Variants in GALNT9 observed in about 807,000 individuals in gnomAD.
GALNT9 encodes the protein GalNAc transferase 9.
GALNT9 carries 47 observed loss-of-function variants against 63.1 expected under a neutral mutation model. The ratio of observed to expected loss-of-function variants is 0.75; its 90% confidence interval spans 0.59 to 0.95. The LOEUF (loss-of-function observed/expected upper bound fraction) is 0.95, where lower values mean the gene tolerates loss of function less well. GALNT9 is among the 40% of genes least tolerant of loss of function. The probability of loss-of-function intolerance (pLI) is 0.00; values close to 1 mark genes in which losing one functional copy is unlikely to be tolerated. For missense variants in GALNT9, 829 were observed against 874.8 expected (o/e 0.95, Z 0.66); for synonymous variants, 396 against 365.7 (o/e 1.08, Z -0.94).
chr12:132,257,145 T>TG (rs1288615475), intron 5 of GALNT9, among the ~76,000 whole-genome samples: 80 of 152,314 alleles, frequency 5.3e-4, no homozygotes, highest in African/African-American at 1.8e-3. Context: ...TGCCTCCCAT[T>TG]GGGTTCTCTG....
chr12:132,288,544 T>TG (rs1555242410), intron 1 of GALNT9, among the ~76,000 whole-genome samples: 3 of 152,252 alleles, frequency 2.0e-5, no homozygotes, highest in African/African-American at 7.2e-5. Flanking sequence ...TCATCATCCG[T>TG]GGGGCTCAGG....
chr12:132,318,994 G>A (rs1396833179), intron 1 of GALNT9, among the ~76,000 whole-genome samples: 1 of 152,246 alleles, frequency 6.6e-6, no homozygotes, highest in Non-Finnish European at 1.5e-5. Context: ...CCGGGCAGCT[G>A]CACGGGTCCT....
At chr12:132,243,343 CA>C (rs1555237616) in intron 6 of GALNT9, among the ~76,000 whole-genome samples, 1 of 146,454 alleles carries the variant, frequency 6.8e-6, no homozygotes, top group South Asian at 2.3e-4. Flanking sequence ...CCCGGGGGGC[CA>C]TCAGGGCCCC....
chr12:132,303,404 C>CAGA (rs1881392077), intron 1 of GALNT9, among the ~76,000 whole-genome samples: 3 of 147,820 alleles, frequency 2.0e-5, no homozygotes, highest in East Asian at 2.0e-4. Flanking sequence ...CGCCCGGGCA[C>CAGA]ACCCTCACCC....
Position 132,327,354 on chromosome 12 carries a change from G to A in GALNT9, c.238+1612C>T, listed in dbSNP as rs1344195005. 6.6e-6 allele frequency among the ~76,000 whole-genome samples: 1 copy of A among 152,000 alleles called. No individual in the cohort carries two copies. The highest frequency in any genetic ancestry group is 1.5e-5 in the Non-Finnish European group (1 of 67,986). On this transcript the variant is annotated intron_variant, in intron 1 of 10. Transcript: ENST00000328957. The surrounding 1 kb of genome is among the most constrained non-coding windows in gnomAD (Gnocchi z 4.3). The stretch of plus-strand genomic sequence containing the variant: ...ATCTCCCGCCAATGTCAGCAAAGCG[G>A]ATCATGGGTCCTGGCTTTTTCCACC...
intron 4 of GALNT9, among the ~76,000 whole-genome samples, chr12:132,259,748 C>T (rs1483287089): frequency 6.6e-5 from 10 of 152,188 alleles, no homozygotes; most frequent in African/African-American, 1.9e-4. Flanking sequence ...TCCCAGCCTC[C>T]GTGTAACACT....
At chr12:132,202,501 G>A (rs1876234028) in intron 7 of GALNT9, among the ~76,000 whole-genome samples, 1 of 152,130 alleles carries the variant, frequency 6.6e-6, no homozygotes, top group Admixed American at 6.5e-5. Context: ...GCAGGGGGTG[G>A]TAAGCCAATT....
chr12:132,271,857 T>C (rs1054717075), intron 2 of GALNT9, among the ~76,000 whole-genome samples: 13 of 152,068 alleles, frequency 8.5e-5, no homozygotes, highest in Non-Finnish European at 1.9e-4. Context: ...CCGTCCCCCG[T>C]GCGCCCTTCA....
At position 132,257,829 on chromosome 12, in the gene GALNT9, GGCT is replaced by G; in HGVS notation, c.816_818del (p.Ala273del). 1 of 1,550,106 alleles carries G rather than the reference GGCT, an allele frequency of 6.5e-7. No homozygotes were observed. Among genetic ancestry groups the G allele is most frequent in the Non-Finnish European group, 8.7e-7 (1 of 1,146,820 alleles). On this transcript the variant is annotated inframe_deletion, in exon 5 of 11. Transcript: ENST00000328957. Reference sequence around the variant, plus strand: ...ACGTGCTGTACTTGATGTTGTCGATGGCTGGCAGCACGATGCGACGCCGGTCCT... The same window carrying G: ...ACGTGCTGTACTTGATGTTGTCGATGGGCAGCACGATGCGACGCCGGTCCT...
chr12:132,228,536 G>A (rs1877785714), intron 6 of GALNT9, among the ~76,000 whole-genome samples: 1 of 151,364 alleles, frequency 6.6e-6, no homozygotes, highest in African/African-American at 2.5e-5. Context: ...CTTTGCCTCT[G>A]GCGAGACAGG....
At chr12:132,209,341 A>G (rs1364724827) in intron 6 of GALNT9, among the ~76,000 whole-genome samples, 8 of 152,228 alleles carry the variant, frequency 5.3e-5, no homozygotes, top group South Asian at 2.1e-4. Flanking sequence ...CCTGGCCAAC[A>G]TGGTGAAATG....
intron 2 of GALNT9, among the ~76,000 whole-genome samples, chr12:132,272,145 C>G (rs1402400662): frequency 6.6e-6 from 1 of 152,180 alleles, no homozygotes; most frequent in Non-Finnish European, 1.5e-5. Flanking sequence ...AGATGCACGG[C>G]GGGGACCCCT....
intron 1 of GALNT9, among the ~76,000 whole-genome samples, chr12:132,307,445 A>T (rs562866587): frequency 4.6e-5 from 7 of 152,124 alleles, no homozygotes; most frequent in Non-Finnish European, 8.8e-5. Flanking sequence ...CCATGGTCAA[A>T]GGGACTTTAC....
chr12:132,299,687 T>C (rs71470379), intron 1 of GALNT9, among the ~76,000 whole-genome samples: 5 of 128,368 alleles, frequency 3.9e-5, no homozygotes, highest in African/African-American at 1.5e-4. Context: ...ACCTAACCCA[T>C]CCCTGAGATG....
At chr12:132,258,323 T>C (rs1177967094) in intron 4 of GALNT9, among the ~76,000 whole-genome samples, 1 of 152,218 alleles carries the variant, frequency 6.6e-6, no homozygotes, top group Non-Finnish European at 1.5e-5. Flanking sequence ...GAGGATCTAC[T>C]ATGTGCCACG....
At chr12:132,202,771 C>G (rs939457354) in intron 7 of GALNT9, among the ~76,000 whole-genome samples, 3 of 151,948 alleles carry the variant, frequency 2.0e-5, no homozygotes, top group East Asian at 3.9e-4. Context: ...TGGGGTGTGG[C>G]GGGATGGGTC....
chr12:132,228,726 G>A (rs1253085718), intron 6 of GALNT9, among the ~76,000 whole-genome samples: 4 of 152,134 alleles, frequency 2.6e-5, no homozygotes, highest in Admixed American at 1.3e-4. Context: ...CAGCATGTCC[G>A]AGCGTTTCAA....
intron 6 of GALNT9, among the ~76,000 whole-genome samples, chr12:132,218,655 G>T (rs1187945398): frequency 6.6e-6 from 1 of 152,230 alleles, no homozygotes; most frequent in African/African-American, 2.4e-5. Context: ...TTCCGGGCAG[G>T]ATCTGCCTGT....
At chr12:132,211,178 C>T (rs1003140541) in intron 6 of GALNT9, among the ~76,000 whole-genome samples, 2 of 152,156 alleles carry the variant, frequency 1.3e-5, no homozygotes, top group African/African-American at 2.4e-5. Flanking sequence ...AACCAACTAC[C>T]GCTTCTGCAA....
Sources: gnomAD v4.1 joint callset for allele counts (sites outside exome capture counted in the v4.1 genomes callset) on GRCh38, gnomAD v4.1.1 for gene constraint, Gnocchi (gnomAD v3.1) non-coding constraint, MANE v1.5 for transcripts, NCBI Gene and HGNC (gene_info 2026-07-23, HGNC 2026-07-21) for gene names.